SCFD2: variants seen among roughly 807,000 people sequenced by gnomAD.
SCFD2 encodes the protein sec1 family domain-containing protein 2.
Under a neutral mutation model 58.9 loss-of-function variants are expected in SCFD2, and 54 were observed. That is an observed-to-expected ratio of 0.92 (90% CI 0.74 to 1.15). SCFD2 has a LOEUF of 1.15. Ranked by LOEUF, SCFD2 falls within the 50% of genes most tolerant of loss-of-function variation. The pLI, the probability that SCFD2 is intolerant of heterozygous loss-of-function variation, is 0.00. For missense variants in SCFD2, 805 were observed against 836.6 expected (o/e 0.96, Z 0.47); for synonymous variants, 321 against 335.9 (o/e 0.96, Z 0.49).
intron 3 of SCFD2, among the ~76,000 whole-genome samples, chr4:53,297,848 T>G (rs1390323795): frequency 6.6e-6 from 1 of 152,224 alleles, no homozygotes; most frequent in Non-Finnish European, 1.5e-5. Context: ...AAGGCAGGCC[T>G]GTTGGTGACA....
chr4:53,224,427 T>G (rs1258763157), intron 4 of SCFD2, among the ~76,000 whole-genome samples: 1 of 151,746 alleles, frequency 6.6e-6, no homozygotes, highest in Non-Finnish European at 1.5e-5. Context: ...TTCTGCCAGT[T>G]CCCGCAGAAC....
intron 4 of SCFD2, among the ~76,000 whole-genome samples, chr4:53,226,963 A>T (rs1310768992): frequency 1.3e-5 from 2 of 152,226 alleles, no homozygotes; most frequent in African/African-American, 4.8e-5. Context: ...TAAAAAAGGT[A>T]TCCCTAATGA....
Position 53,365,103 on chromosome 4 carries a change from C to A in SCFD2, c.838+1G>T. On this transcript the variant is annotated splice_donor_variant, in intron 1 of 8. Transcript: ENST00000401642. LOFTEE classifies it high-confidence loss of function. The surrounding 1 kb of genome is among the most constrained non-coding windows in gnomAD (Gnocchi z 4.3). Reference sequence around the variant, plus strand: ...GAAGAACTCCAGAGCAATGCACTTACCTGTGAGATCCAGGGTTCTGTCCAC... The same window carrying A: ...GAAGAACTCCAGAGCAATGCACTTAACTGTGAGATCCAGGGTTCTGTCCAC... The A allele has an allele frequency of 6.2e-7, 1 of 1,613,288 alleles. No homozygotes were observed. The highest frequency in any genetic ancestry group is 8.5e-7 in the Non-Finnish European group (1 of 1,179,534).
chr4:53,289,063 C>A (rs1731757547), intron 3 of SCFD2, among the ~76,000 whole-genome samples: 2 of 152,128 alleles, frequency 1.3e-5, no homozygotes, highest in Non-Finnish European at 2.9e-5. Flanking sequence ...AAACCATTAT[C>A]AAGTTAAAAT....
At chr4:52,874,874 C>T (rs1718435352) in intron 8 of SCFD2, among the ~76,000 whole-genome samples, 2 of 152,112 alleles carry the variant, frequency 1.3e-5, no homozygotes, top group African/African-American at 4.8e-5. Flanking sequence ...GTTAGGACTG[C>T]AAGACATTTT....
intron 4 of SCFD2, among the ~76,000 whole-genome samples, chr4:53,221,456 C>T (rs997035308): frequency 6.6e-6 from 1 of 152,064 alleles, no homozygotes; most frequent in Non-Finnish European, 1.5e-5. Flanking sequence ...AAATTAAAAC[C>T]CCACTGAGTT....
intron 4 of SCFD2, among the ~76,000 whole-genome samples, chr4:53,248,015 G>A (rs893567320): frequency 6.6e-6 from 1 of 152,212 alleles, no homozygotes; most frequent in East Asian, 1.9e-4. Context: ...GAGGTACTGG[G>A]TTCATCTCAC....
chr4:52,880,480 G>C (rs185263530), intron 8 of SCFD2, among the ~76,000 whole-genome samples: 2 of 151,644 alleles, frequency 1.3e-5, no homozygotes, highest in Non-Finnish European at 2.9e-5. Flanking sequence ...AACCAGGAGT[G>C]GTGGTGGGCG....
intron 5 of SCFD2, among the ~76,000 whole-genome samples, chr4:53,001,787 C>G (rs557048792): frequency 6.6e-6 from 1 of 152,306 alleles, no homozygotes; most frequent in South Asian, 2.1e-4. Context: ...AAGCATTGTG[C>G]TAGATACTTT....
intron 5 of SCFD2, among the ~76,000 whole-genome samples, chr4:53,002,740 T>C (rs1262318455): frequency 6.6e-6 from 1 of 152,196 alleles, no homozygotes; most frequent in Non-Finnish European, 1.5e-5. Flanking sequence ...AGAGACCTGT[T>C]GTACCAGTCT....
chr4:53,354,204 G>A (rs761169141), intron 1 of SCFD2, among the ~76,000 whole-genome samples: 14 of 152,240 alleles, frequency 9.2e-5, no homozygotes, highest in East Asian at 1.9e-4. Context: ...CGGGCATGGC[G>A]GGCTGCAGGT....
intron 5 of SCFD2, among the ~76,000 whole-genome samples, chr4:53,097,030 T>C (rs950179091): frequency 3.5e-4 from 53 of 152,176 alleles, no homozygotes; most frequent in Non-Finnish European, 7.8e-4. Flanking sequence ...GTTGTAGATG[T>C]GTGGTATTAT....
chr4:52,916,813 G>T (rs978324312), intron 6 of SCFD2, among the ~76,000 whole-genome samples: 1 of 152,164 alleles, frequency 6.6e-6, no homozygotes, highest in African/African-American at 2.4e-5. Context: ...ACAAAGGAAG[G>T]CCTCTTTTGT....
intron 5 of SCFD2, among the ~76,000 whole-genome samples, chr4:52,996,531 G>T (rs1277689185): frequency 6.6e-6 from 1 of 152,236 alleles, no homozygotes; most frequent in Non-Finnish European, 1.5e-5. Context: ...CATTTGGAGA[G>T]AACATTCCCT....
intron 4 of SCFD2, among the ~76,000 whole-genome samples, chr4:53,200,643 A>G (rs1728202060): frequency 6.6e-6 from 1 of 152,062 alleles, no homozygotes; most frequent in Admixed American, 6.6e-5. Context: ...AACTGAAAAA[A>G]CTTTTCCTCT....
chr4:52,968,435 T>C (rs1385712981), intron 5 of SCFD2, among the ~76,000 whole-genome samples: 1 of 152,200 alleles, frequency 6.6e-6, no homozygotes, highest in East Asian at 1.9e-4. Flanking sequence ...CTGGGCTTTG[T>C]TTATATCTGG....
intron 1 of SCFD2, among the ~76,000 whole-genome samples, chr4:53,361,190 T>C (rs1220793733): frequency 1.3e-5 from 2 of 152,170 alleles, no homozygotes; most frequent in East Asian, 3.8e-4. Context: ...TCTTTGACAA[T>C]TCAAAAAACA....
chr4:53,228,912 T>C (rs1157691936), intron 4 of SCFD2, among the ~76,000 whole-genome samples: 5 of 152,212 alleles, frequency 3.3e-5, no homozygotes, highest in African/African-American at 1.2e-4. Context: ...GATAGGCAAC[T>C]TCAGCAAAGT....
At chr4:53,047,702 TTAG>T (rs1182814279) in intron 5 of SCFD2, among the ~76,000 whole-genome samples, 3 of 152,166 alleles carry the variant, frequency 2.0e-5, no homozygotes, top group Non-Finnish European at 4.4e-5. Flanking sequence ...GTGGTTCCAT[TTAG>T]GTTGTTTCTA....
Sources: allele counts gnomAD v4.1 joint callset (sites outside exome capture counted in the v4.1 genomes callset), GRCh38; gene constraint gnomAD v4.1.1; non-coding constraint Gnocchi (gnomAD v3.1); transcripts MANE v1.5; gene names NCBI Gene and HGNC (gene_info 2026-07-23, HGNC 2026-07-21).